The following ZNF705G variants were observed in gnomAD, a reference collection of about 807,000 sequenced individuals.
ZNF705G encodes putative zinc finger protein 705G.
ZNF705G carries 23 observed loss-of-function variants against 19.6 expected under a neutral mutation model. The observed-to-expected ratio is 1.17, with a 90% CI of 0.84 to 1.66. The LOEUF is 1.66. ZNF705G is among the 40% of genes most tolerant of loss of function. The probability of loss-of-function intolerance (pLI) is 0.00; values close to 1 mark genes in which losing one functional copy is unlikely to be tolerated. For missense variants in ZNF705G, 457 were observed against 354.4 expected, an observed-to-expected ratio of 1.29 and a Z score of -2.32; for synonymous variants, 146 against 117.7, an observed-to-expected ratio of 1.24 and a Z score of -1.56.
At chr8:7,369,665 A>C (rs1807010338) in intron 2 of ZNF705G, among the ~76,000 whole-genome samples, 1 of 149,786 alleles carries the variant, frequency 6.7e-6, no homozygotes, top group East Asian at 1.9e-4. Flanking sequence ...CATCAATGTT[A>C]CAGTGGATAG....
intron 2 of ZNF705G, among the ~76,000 whole-genome samples, chr8:7,380,476 T>G (rs1258175743): frequency 6.8e-6 from 1 of 147,430 alleles, no homozygotes; most frequent in Non-Finnish European, 1.5e-5. Flanking sequence ...ATCAAGTACC[T>G]GTGTGTCTCC....
chr8:7,361,607 A>T (rs1806601373), intron 3 of ZNF705G, among the ~76,000 whole-genome samples: 1 of 149,816 alleles, frequency 6.7e-6, no homozygotes, highest in Non-Finnish European at 1.5e-5. Flanking sequence ...GTCACAAGGC[A>T]AATAACCATG....
chr8:7,362,269 C>A (rs547166334), intron 3 of ZNF705G, among the ~76,000 whole-genome samples: 2 of 149,752 alleles, frequency 1.3e-5, no homozygotes, highest in Admixed American at 1.3e-4. Context: ...TACCAGAAGG[C>A]AAAAAGGTTA....
rs1298581025 is a variant in ZNF705G, at chr8:7,370,903, G to A, written c.-71-7886C>T. The stretch of plus-strand genomic sequence containing the variant: ...CAGCCATAAAAAGGAATGAGATCAT[G>A]TTCTTTGCAGGAACATGAATGGAGC... On this transcript the variant is annotated intron_variant, in intron 2 of 6. Coordinates refer to ENST00000400156, the MANE Select transcript of ZNF705G (RefSeq NM_001164457.3). Among the ~76,000 whole-genome samples the A allele has an allele frequency of 2.5e-5, 3 of 120,472 alleles. No homozygotes were observed. In the East Asian group the frequency reaches 7.4e-4, roughly 30 times the overall value. 79.0% of individuals were successfully genotyped at this position (120,472 alleles called of 152,430 possible).
intron 2 of ZNF705G, among the ~76,000 whole-genome samples, chr8:7,371,305 G>T (rs1448687938): frequency 7.4e-6 from 1 of 135,092 alleles, no homozygotes; most frequent in East Asian, 2.2e-4. Context: ...GTTGCCAGGG[G>T]CCGTGGTGCT....
Position 7,357,992 on chromosome 8 carries a change from G to A in ZNF705G, c.887C>T (p.Ser296Phe), listed in dbSNP as rs184579267. ...CLLCGKAFSLSSNLR is the reference protein window; with the variant it reads ...CLLCGKAFSLFSNLR Reference sequence around the variant, plus strand: ...TCTCTCATGTCATCTAAGGTTGGAAGACAGACTGAAGGCCTTCCCACATAG... The same window carrying A: ...TCTCTCATGTCATCTAAGGTTGGAAAACAGACTGAAGGCCTTCCCACATAG... The change falls in exon 7 of 7, where the codon TCT becomes TTT. Residue 296 changes from serine (S) to phenylalanine (F), a missense_variant. By Grantham distance (155) the Ser-to-Phe change is radical. Transcript: ENST00000400156. The A allele has an allele frequency of 1.2e-6, 2 of 1,609,260 alleles. No individual in the cohort carries two copies. Among genetic ancestry groups the A allele is most frequent in the East Asian group, 4.5e-5 (2 of 44,858 alleles).
chr8:7,379,301 G>A (rs1807382813), intron 2 of ZNF705G, among the ~76,000 whole-genome samples: 1 of 147,344 alleles, frequency 6.8e-6, no homozygotes, highest in South Asian at 2.1e-4. Context: ...GTTTTCCTCA[G>A]TGCACTCTTG....
rs375501922 is a variant in ZNF705G, at chr8:7,357,383, G to C, written c.*593C>G. On this transcript the variant is annotated 3_prime_UTR_variant, in exon 7 of 7. Coordinates refer to ENST00000400156, the MANE Select transcript of ZNF705G (RefSeq NM_001164457.3). Reference sequence around the variant, plus strand: ...GTCACTCTTCTCTTGTGAACATCAAGCCTGGTGCTTGGCTGAATGTTCATT... The same window carrying C: ...GTCACTCTTCTCTTGTGAACATCAACCCTGGTGCTTGGCTGAATGTTCATT... The C allele has an allele frequency of 6.3e-6, 1 of 157,978 alleles. No homozygotes were observed. The highest frequency in any genetic ancestry group is 2.6e-5 in the African/African-American group (1 of 39,190). The allele number at this position is 157,978 out of a possible 1,614,324, so 9.8% of individuals were successfully genotyped here.
At chr8:7,369,972 C>A (rs1476981370) in intron 2 of ZNF705G, among the ~76,000 whole-genome samples, 2 of 149,304 alleles carry the variant, frequency 1.3e-5, no homozygotes, top group East Asian at 3.9e-4. Flanking sequence ...ATCATTCATA[C>A]TCCTCAGCAT....
chr8:7,383,121 T>C lies in ZNF705G; in HGVS notation c.-221-1520A>G, dbSNP rs1267471700. 3.0e-5 allele frequency among the ~76,000 whole-genome samples: 4 copies of C among 134,972 alleles called. No individual in the cohort carries two copies. In the East Asian group the frequency reaches 8.9e-4, roughly 30 times the overall value. The allele number at this position is 134,972 out of a possible 152,430, so 88.5% of individuals were successfully genotyped here. A position where few individuals can be genotyped will look rare whatever the true frequency, so the allele number is the denominator to read the frequency against. Reference sequence around the variant, plus strand: ...ATTTTTTCCTTGGTTGAGTTCAATGTTTGATTTTTTTTTTTTTTTTTTTTT... The same window carrying C: ...ATTTTTTCCTTGGTTGAGTTCAATGCTTGATTTTTTTTTTTTTTTTTTTTT... On this transcript the variant is annotated intron_variant, in intron 1 of 6. Transcript: ENST00000400156.
At chr8:7,366,138 A>T (rs1349562430) in intron 2 of ZNF705G, among the ~76,000 whole-genome samples, 3 of 148,148 alleles carry the variant, frequency 2.0e-5, no homozygotes, top group Admixed American at 6.6e-5. Flanking sequence ...AATATATATC[A>T]GATTACACTA....
chr8:7,360,156 A>C, intron 5 of ZNF705G, 81 bp downstream of exon 5: 1 of 1,446,852 alleles, frequency 6.9e-7, no homozygotes, highest in South Asian at 1.2e-5. Flanking sequence ...TCATTTAATA[A>C]AACCACTAAT....
chr8:7,380,703 A>G (rs1224883545), intron 2 of ZNF705G, among the ~76,000 whole-genome samples: 2 of 146,214 alleles, frequency 1.4e-5, no homozygotes, highest in East Asian at 1.9e-4. Context: ...GGGCATGCCT[A>G]TCTACCGAGC....
chr8:7,383,828 G>A (rs191873902), intron 1 of ZNF705G, among the ~76,000 whole-genome samples: 71 of 146,920 alleles, frequency 4.8e-4, no homozygotes, highest in South Asian at 2.6e-3. Context: ...TTCCAACCTC[G>A]AGAACTGTGA....
intron 2 of ZNF705G, among the ~76,000 whole-genome samples, chr8:7,379,426 C>T (rs939537905): frequency 1.4e-5 from 2 of 147,264 alleles, no homozygotes; most frequent in African/African-American, 5.4e-5. Flanking sequence ...ATATTATCCT[C>T]TCATTGCTAG....
chr8:7,360,086 G>C (rs1428697415), intron 5 of ZNF705G, 151 bp downstream of exon 5: 16 of 1,082,478 alleles, frequency 1.5e-5, no homozygotes, highest in Non-Finnish European at 1.9e-5. Flanking sequence ...TGAACAAAAT[G>C]ATAATAACAT....
chr8:7,359,848 T>C lies in ZNF705G; in HGVS notation c.236-147A>G, dbSNP rs2128835540. 4 of 1,263,358 alleles carry C rather than the reference T, an allele frequency of 3.2e-6. No individual in the cohort carries two copies. In the East Asian group the frequency reaches 7.4e-5, roughly 24 times the overall value. The allele number at this position is 1,263,358 out of a possible 1,614,324, so 78.3% of individuals were successfully genotyped here. Reference sequence around the variant, plus strand: ...GAAGAAACTACTTGAATAGAAGAAATAGATTGTACAGTGTCAGCAATTAGA... The same window carrying C: ...GAAGAAACTACTTGAATAGAAGAAACAGATTGTACAGTGTCAGCAATTAGA... On this transcript the variant is annotated intron_variant, in intron 5 of 6. Coordinates refer to ENST00000400156, the MANE Select transcript of ZNF705G (RefSeq NM_001164457.3).
chr8:7,358,617 A>G (rs928526877), intron 6 of ZNF705G, 57 bp from the exon 7 acceptor site: 23 of 1,599,852 alleles, frequency 1.4e-5, no homozygotes, highest in Middle Eastern at 2.3e-4. Flanking sequence ...CTATACATTC[A>G]TTTCACTACC....
Position 7,369,185 on chromosome 8 carries a change from C to G in ZNF705G, c.-71-6168G>C, listed in dbSNP as rs1449421848. ...TTCAGTTATCGCCACTGGGTCACCCCACAACATGTGGGAATTATGGGAGTA... is the reference window on the plus strand; with the variant it reads ...TTCAGTTATCGCCACTGGGTCACCCGACAACATGTGGGAATTATGGGAGTA... On this transcript the variant is annotated intron_variant, in intron 2 of 6. Transcript: ENST00000400156. Among the ~76,000 whole-genome samples, 3 of 149,390 alleles carry G rather than the reference C, an allele frequency of 2.0e-5. 1 individual carries two copies. Among genetic ancestry groups the G allele is most frequent in the African/African-American group, 7.7e-5 (3 of 38,828 alleles).
Sources: gnomAD v4.1 joint callset for allele counts (sites outside exome capture counted in the v4.1 genomes callset) on GRCh38, gnomAD v4.1.1 for gene constraint, MANE v1.5 for transcripts, NCBI Gene and HGNC (gene_info 2026-07-23, HGNC 2026-07-21) for gene names.